The following COL26A1 variants were observed in gnomAD, a reference collection of about 807,000 sequenced individuals.
The protein encoded by COL26A1 is collagen type XXVI alpha 1 chain, also known as collagen alpha-1(XXVI) chain.
Under a neutral mutation model 59.3 loss-of-function variants are expected in COL26A1, and 41 were observed. That is an observed-to-expected ratio of 0.69 (90% CI 0.54 to 0.90). COL26A1 has a LOEUF of 0.90. Among genes scored for constraint, COL26A1 ranks in the 40% least tolerant of loss-of-function variants. COL26A1 has a pLI of 0.00. For synonymous variants in COL26A1, 266 were observed against 256.0 expected (o/e 1.04, Z -0.37); for missense variants, 612 against 602.3 (o/e 1.02, Z -0.17).
intron 2 of COL26A1, among the ~76,000 whole-genome samples, chr7:101,420,422 C>G (rs1254577179): frequency 6.6e-6 from 1 of 152,112 alleles, no homozygotes; most frequent in Non-Finnish European, 1.5e-5. Context: ...AGGGAACCAA[C>G]CAGCCTTATG....
At chr7:101,489,634 T>TG (rs1794345219) in intron 3 of COL26A1, among the ~76,000 whole-genome samples, 1 of 66,456 alleles carries the variant, frequency 1.5e-5, no homozygotes, top group Non-Finnish European at 2.6e-5. Flanking sequence ...TCTTTCTTTC[T>TG]TTCTTTCTTT....
intron 2 of COL26A1, among the ~76,000 whole-genome samples, chr7:101,434,896 G>A (rs1016843030): frequency 1.4e-5 from 1 of 73,850 alleles, no homozygotes; most frequent in African/African-American, 1.2e-4. Flanking sequence ...GGGTTGATGC[G>A]GGGAGGACAT....
At chr7:101,508,348 C>T (rs1339768142) in intron 3 of COL26A1, among the ~76,000 whole-genome samples, 2 of 151,996 alleles carry the variant, frequency 1.3e-5, no homozygotes, top group African/African-American at 4.8e-5. Flanking sequence ...ACAGCGAGAC[C>T]CCATCTCTAC....
chr7:101,489,659 TTCTTCCTTCCTTCCTTCCTTCC>T lies in COL26A1; in HGVS notation c.385+41874_385+41895del, dbSNP rs1346309003. 1.6e-4 allele frequency among the ~76,000 whole-genome samples: 11 copies of T among 69,124 alleles called. 1 individual carries two copies. The highest frequency in any genetic ancestry group is 5.2e-4 in the African/African-American group (4 of 7,698). 45.3% of individuals were successfully genotyped at this position (69,124 alleles called of 152,430 possible). On this transcript the variant is annotated intron_variant, in intron 3 of 12. Coordinates refer to ENST00000313669, the MANE Select transcript of COL26A1 (RefSeq NM_001278563.3). ...TTTCTTTCTTTCTTTCTTTCTTTCT[TTCTTCCTTCCTTCCTTCCTTCC>T]TTTCTTTCTTTCTTTCTGTCTTTCT...
At position 101,541,063 on chromosome 7, in the gene COL26A1, T is replaced by C. The variant is rs755678207; in HGVS notation, c.604+1014T>C. Among the ~76,000 whole-genome samples the C allele has an allele frequency of 8.9e-4, 136 of 152,212 alleles. 2 individuals carry two copies. Among genetic ancestry groups the C allele is most frequent in the African/African-American group, 2.4e-4 (10 of 41,462 alleles). ...AAACAACCAGCTACTGGGTTGCCAC[T>C]GTAGGTCCAGTCCAGGCTGTGCAGT... is the stretch of plus-strand genomic sequence containing the variant. On this transcript the variant is annotated intron_variant, in intron 5 of 12. Transcript: ENST00000313669.
intron 3 of COL26A1, among the ~76,000 whole-genome samples, chr7:101,482,425 C>T (rs950925389): frequency 1.1e-4 from 16 of 152,236 alleles, no homozygotes; most frequent in South Asian, 2.1e-4. Flanking sequence ...AAATTCCTCC[C>T]AAGAAGGAAG....
chr7:101,522,236 C>G (rs1184298565), intron 3 of COL26A1, among the ~76,000 whole-genome samples: 1 of 152,152 alleles, frequency 6.6e-6, no homozygotes, highest in Non-Finnish European at 1.5e-5. Flanking sequence ...CCTTCCTTGA[C>G]CACTCCAAGG....
intron 3 of COL26A1, among the ~76,000 whole-genome samples, chr7:101,504,807 CTGTG>C (rs149023314): frequency 7.3e-5 from 11 of 150,394 alleles, no homozygotes; most frequent in Admixed American, 1.3e-4. Flanking sequence ...GTTGCCCAGA[CTGTG>C]TGTGTGTGTG....
intron 10 of COL26A1, among the ~76,000 whole-genome samples, chr7:101,552,932 A>G (rs1795890548): frequency 6.6e-6 from 1 of 152,158 alleles, no homozygotes; most frequent in African/African-American, 2.4e-5. Flanking sequence ...ATAAAATACA[A>G]TAAAATATGT....
At chr7:101,486,560 G>C (rs566789611) in intron 3 of COL26A1, among the ~76,000 whole-genome samples, 1 of 152,220 alleles carries the variant, frequency 6.6e-6, no homozygotes, top group Admixed American at 6.5e-5. Context: ...GAAGAGGACC[G>C]GGCGCATTTA....
chr7:101,435,150 C>A (rs967529068), intron 2 of COL26A1, among the ~76,000 whole-genome samples: 2 of 152,130 alleles, frequency 1.3e-5, no homozygotes, highest in African/African-American at 4.8e-5. Flanking sequence ...CATAGTGAAA[C>A]CCTGTCTCTA....
intron 4 of COL26A1, among the ~76,000 whole-genome samples, chr7:101,535,155 C>A (rs929044408): frequency 6.6e-6 from 1 of 152,248 alleles, no homozygotes. Flanking sequence ...ATGGGAGAGA[C>A]CCAGCTGCTC....
intron 3 of COL26A1, among the ~76,000 whole-genome samples, chr7:101,488,332 C>T (rs969877271): frequency 3.0e-5 from 4 of 133,900 alleles, no homozygotes; most frequent in African/African-American, 1.1e-4. Context: ...CATTTTAATC[C>T]GTTTTTAATT....
chr7:101,491,213 C>T (rs1026296388), intron 3 of COL26A1, among the ~76,000 whole-genome samples: 9 of 152,094 alleles, frequency 5.9e-5, no homozygotes, highest in Admixed American at 1.3e-4. Flanking sequence ...AACTAGATCA[C>T]GAGAGCTGGT....
chr7:101,402,120 A>G (rs1411786341), intron 1 of COL26A1, among the ~76,000 whole-genome samples: 1 of 152,164 alleles, frequency 6.6e-6, no homozygotes, highest in African/African-American at 2.4e-5. Context: ...ATGCCAAGAC[A>G]GCAGTGTGTG....
chr7:101,513,813 T>C (rs1232948541), intron 3 of COL26A1, among the ~76,000 whole-genome samples: 1 of 152,186 alleles, frequency 6.6e-6, no homozygotes. Context: ...CACAAACACA[T>C]GCTACAGATT....
intron 3 of COL26A1, among the ~76,000 whole-genome samples, chr7:101,466,795 G>GGTGTGTGTGAGT (rs1554416648): frequency 8.0e-6 from 1 of 125,246 alleles, no homozygotes; most frequent in East Asian, 2.3e-4. Flanking sequence ...GGCATGTTCT[G>GGTGTGTGTGAGT]GTGTGTGTGT....
Position 101,387,778 on chromosome 7 carries a change from A to ATTTTTTTT in COL26A1, c.158+24590_158+24597dup, listed in dbSNP as rs1554404085. The stretch of plus-strand genomic sequence containing the variant: ...TTTATATATATATATATATATATAT[A>ATTTTTTTT]TTTTTTTTTAAGACAGAGTCTCACT... On this transcript the variant is annotated intron_variant, in intron 1 of 12. Coordinates refer to ENST00000313669, the MANE Select transcript of COL26A1 (RefSeq NM_001278563.3). Among the ~76,000 whole-genome samples the ATTTTTTTT allele has an allele frequency of 2.8e-3, 239 of 84,702 alleles. 1 individual carries two copies. Among genetic ancestry groups the ATTTTTTTT allele is most frequent in the African/African-American group, 3.4e-3 (69 of 20,108 alleles). 55.6% of individuals were successfully genotyped at this position (84,702 alleles called of 152,430 possible). A position where few individuals can be genotyped will look rare whatever the true frequency, so the allele number is the denominator to read the frequency against.
chr7:101,530,616 G>T (rs36036153), intron 3 of COL26A1, among the ~76,000 whole-genome samples: 28,450 of 145,094 alleles, frequency 0.2, 3,048 homozygotes, highest in Middle Eastern at 0.32. Context: ...CCCCCTGGAC[G>T]CCAGGGCCTT....
Sources: gnomAD v4.1 joint callset for allele counts (sites outside exome capture counted in the v4.1 genomes callset) on GRCh38, gnomAD v4.1.1 for gene constraint, MANE v1.5 for transcripts, NCBI Gene and HGNC (gene_info 2026-07-23, HGNC 2026-07-21) for gene names.